PCDHGC4: variants seen among roughly 807,000 people sequenced by gnomAD.
The protein encoded by PCDHGC4 is protocadherin gamma-C4.
Under a neutral mutation model 59.7 loss-of-function variants are expected in PCDHGC4, and 15 were observed. The ratio of observed to expected loss-of-function variants is 0.25; its 90% confidence interval spans 0.17 to 0.39. PCDHGC4 has a LOEUF of 0.39. PCDHGC4 is among the 10% of genes least tolerant of loss of function. The probability of loss-of-function intolerance (pLI) is 1.00; values close to 1 mark genes in which losing one functional copy is unlikely to be tolerated. For missense variants in PCDHGC4, 1,016 were observed against 1,189.5 expected (o/e 0.85, Z 2.15); for synonymous variants, 434 against 481.4 (o/e 0.90, Z 1.29).
chr5:141,494,759 C>A (rs776923097), intron 1 of PCDHGC4, 48 bp from the exon 2 acceptor site: 3 of 1,613,886 alleles, frequency 1.9e-6, no homozygotes, highest in Non-Finnish European at 2.5e-6. Context: ...GGGTGACATT[C>A]TAACTTCTCA....
Position 141,493,788 on chromosome 5 carries a change from C to A in PCDHGC4, c.2443-1019C>A, listed in dbSNP as rs2099750132. On this transcript the variant is annotated intron_variant, in intron 1 of 3. Transcript: ENST00000306593. This position sits in a 1 kb window ranked among gnomAD's most constrained non-coding sequence, Gnocchi z 4.3. ...ACTGGCAGTTCCGGAGCTTCCTTCT[C>A]CCTGGAGTAATCTGAGATACTCACA... 6.6e-6 allele frequency among the ~76,000 whole-genome samples: 1 copy of A among 152,162 alleles called. No homozygotes were observed. The highest frequency in any genetic ancestry group is 1.5e-5 in the Non-Finnish European group (1 of 68,026).
chr5:141,486,161 A>G lies in PCDHGC4; in HGVS notation c.988A>G (p.Met330Val). 1 of 1,614,216 alleles carries G rather than the reference A, an allele frequency of 6.2e-7. No individual in the cohort carries two copies. The highest frequency in any genetic ancestry group is 8.5e-7 in the Non-Finnish European group (1 of 1,180,038). ...VRARDGGSPA[M>V]EQHCSLRVDL... ...GGCTCGCGATGGGGGTTCTCCAGCC[A>G]TGGAGCAACATTGCAGCCTTCGAGT... The change falls in exon 1 of 4, where the codon ATG (methionine) becomes GTG (valine). Residue 330 changes from methionine to valine, a missense_variant. Coordinates refer to ENST00000306593, the MANE Select transcript of PCDHGC4 (RefSeq NM_018928.3). The surrounding 1 kb of genome is among the most constrained non-coding windows in gnomAD (Gnocchi z 5.0).
chr5:141,492,632 C>G (rs1359761285), intron 1 of PCDHGC4, among the ~76,000 whole-genome samples: 1 of 152,256 alleles, frequency 6.6e-6, no homozygotes, highest in Non-Finnish European at 1.5e-5. Flanking sequence ...CAGGACTCTA[C>G]GATCCTTGGG....
chr5:141,494,897 C>T (rs1194879883), intron 2 of PCDHGC4, 32 bp downstream of exon 2: 2 of 1,614,122 alleles, frequency 1.2e-6, no homozygotes, highest in South Asian at 2.2e-5. Flanking sequence ...CCACCCTCTT[C>T]TCTGCGGCAT....
Position 141,491,611 on chromosome 5 carries a change from A to G in PCDHGC4, c.2443-3196A>G. The G allele has an allele frequency of 6.2e-7, 1 of 1,613,866 alleles. No individual in the cohort carries two copies. The highest frequency in any genetic ancestry group is 8.5e-7 in the Non-Finnish European group (1 of 1,180,018). Reference sequence around the variant, plus strand: ...GGACGGCAGTGACTTCACTTTTCTAAGACCCCTCAGCGTTCAGCAGCCCAC... The same window carrying G: ...GGACGGCAGTGACTTCACTTTTCTAGGACCCCTCAGCGTTCAGCAGCCCAC... On this transcript the variant is annotated intron_variant, in intron 1 of 3. Transcript: ENST00000306593. This position sits in a 1 kb window ranked among gnomAD's most constrained non-coding sequence, Gnocchi z 6.9.
At position 141,486,169 on chromosome 5, in the gene PCDHGC4, A is replaced by G. The variant is rs2099625537; in HGVS notation, c.996A>G (p.Gln332=). The G allele has an allele frequency of 1.2e-6, 2 of 1,614,088 alleles. No individual in the cohort carries two copies. Among genetic ancestry groups the G allele is most frequent in the East Asian group, 2.2e-5 (1 of 44,890 alleles). Residue 332 remains glutamine (Q), a synonymous_variant, in exon 1 of 4, where the codon CAA becomes CAG. Transcript: ENST00000306593. The surrounding 1 kb of genome is among the most constrained non-coding windows in gnomAD (Gnocchi z 5.0). ...ARDGGSPAME[Q]HCSLRVDLLD... ...ATGGGGGTTCTCCAGCCATGGAGCA[A>G]CATTGCAGCCTTCGAGTGGATCTGC...
At chr5:141,502,488 T>A (rs1273845698) in intron 2 of PCDHGC4, among the ~76,000 whole-genome samples, 1 of 152,236 alleles carries the variant, frequency 6.6e-6, no homozygotes, top group Non-Finnish European at 1.5e-5. Context: ...ACACTGGGAC[T>A]CATCTAACGT....
At position 141,485,614 on chromosome 5, in the gene PCDHGC4, T is replaced by G; in HGVS notation, c.441T>G (p.Pro147=). 1 of 1,612,236 alleles carries G rather than the reference T, an allele frequency of 6.2e-7. No individual in the cohort carries two copies. Among genetic ancestry groups the G allele is most frequent in the Non-Finnish European group, 8.5e-7 (1 of 1,178,686 alleles). Residue 147 remains proline (P), a synonymous_variant, in exon 1 of 4, where the codon CCT becomes CCG. Transcript: ENST00000306593. The surrounding 1 kb of genome is among the most constrained non-coding windows in gnomAD (Gnocchi z 5.7). ...ACTTGGAAATTGGGGAGGCAGCTCC[T>G]CCAGGACAGCGTTTCCCGTTGGAAA... ...QLDLEIGEAA[P]PGQRFPLEKA...
Position 141,486,445 on chromosome 5 carries a change from G to A in PCDHGC4, c.1272G>A (p.Met424Ile). Residue 424 changes from methionine (M) to isoleucine (I), a missense_variant, in exon 1 of 4, where the codon ATG becomes ATA. By Grantham distance (10) the Met-to-Ile change is conservative. Coordinates refer to ENST00000306593, the MANE Select transcript of PCDHGC4 (RefSeq NM_018928.3). The surrounding 1 kb of genome is among the most constrained non-coding windows in gnomAD (Gnocchi z 5.0). ...AGGCCAAATCTAGCTATGACATCAT[G>A]GTCACTGCTTCTGATGCTGGGAACC... ...DREAKSSYDIMVTASDAGNPP... is the reference protein window; with the variant it reads ...DREAKSSYDIIVTASDAGNPP... 6.2e-7 allele frequency: 1 copy of A among 1,613,948 alleles called. No homozygotes were observed. The highest frequency in any genetic ancestry group is 8.5e-7 in the Non-Finnish European group (1 of 1,179,862).
At chr5:141,500,475 C>T (rs1193752670) in intron 2 of PCDHGC4, among the ~76,000 whole-genome samples, 1 of 152,024 alleles carries the variant, frequency 6.6e-6, no homozygotes, top group African/African-American at 2.4e-5. Flanking sequence ...TCCCAAAGTG[C>T]TGGGATTACA....
At position 141,490,381 on chromosome 5, in the gene PCDHGC4, A is replaced by T. The variant is rs770046796; in HGVS notation, c.2442+2766A>T. 1 of 1,614,240 alleles carries T rather than the reference A, an allele frequency of 6.2e-7. No homozygotes were observed. The highest frequency in any genetic ancestry group is 1.1e-5 in the South Asian group (1 of 91,090). On this transcript the variant is annotated intron_variant, in intron 1 of 3. Coordinates refer to ENST00000306593, the MANE Select transcript of PCDHGC4 (RefSeq NM_018928.3). This position sits in a 1 kb window ranked among gnomAD's most constrained non-coding sequence, Gnocchi z 5.4. ...TAATGTGCGAGACCGGGACTCAGGT[A>T]GAAATGGTGAAGTGAGCCTTGATAT...
Position 141,486,885 on chromosome 5 carries a change from G to A in PCDHGC4, c.1712G>A (p.Arg571Gln), listed in dbSNP as rs139638334. The change falls in exon 1 of 4, where the codon CGG (arginine) becomes CAG (glutamine). Residue 571 changes from arginine to glutamine, a missense_variant. Physicochemically the swap from Arg to Gln is conservative, Grantham distance 43. Transcript: ENST00000306593. The surrounding 1 kb of genome is among the most constrained non-coding windows in gnomAD (Gnocchi z 5.0). ...CCAGCTGTGCTCCGTCCTCGGGCCC[G>A]GCCTGGTTCCTTATGTCCCCAAGCA... is the stretch of plus-strand genomic sequence containing the variant. ...NAPAVLRPRARPGSLCPQALP... is the reference protein window; with the variant it reads ...NAPAVLRPRAQPGSLCPQALP... 16 of 1,614,076 alleles carry A rather than the reference G, an allele frequency of 9.9e-6. No individual in the cohort carries two copies. The highest frequency in any genetic ancestry group is 1.6e-4 in the Middle Eastern group (1 of 6,084).
intron 1 of PCDHGC4, chr5:141,492,018 G>A: frequency 1.7e-6 from 1 of 585,594 alleles, no homozygotes; most frequent in Admixed American, 3.7e-5. Flanking sequence ...GGGTGTCGGG[G>A]GTCCCGGGAG....
intron 2 of PCDHGC4, among the ~76,000 whole-genome samples, chr5:141,501,821 G>A (rs910825533): frequency 1.3e-5 from 2 of 152,028 alleles, no homozygotes; most frequent in Non-Finnish European, 2.9e-5. Context: ...ATAATTGGCA[G>A]CCCACCCACC....
chr5:141,487,340 G>A lies in PCDHGC4; in HGVS notation c.2167G>A (p.Val723Ile), dbSNP rs2099643329. 6.2e-7 allele frequency: 1 copy of A among 1,614,182 alleles called. No individual in the cohort carries two copies. Among genetic ancestry groups the A allele is most frequent in the Admixed American group, 1.7e-5 (1 of 60,024 alleles). ...SKCLRGAACG[V>I]TCFPAGTCAC... The stretch of plus-strand genomic sequence containing the variant: ...GTGTCTTCGTGGGGCAGCCTGTGGA[G>A]TCACATGCTTTCCTGCTGGCACCTG... The change falls in exon 1 of 4, where the codon GTC becomes ATC. Residue 723 changes from valine (V) to isoleucine (I), a missense_variant. By Grantham distance (29) the Val-to-Ile change is conservative. Coordinates refer to ENST00000306593, the MANE Select transcript of PCDHGC4 (RefSeq NM_018928.3). This position sits in a 1 kb window ranked among gnomAD's most constrained non-coding sequence, Gnocchi z 5.0.
chr5:141,488,046 G>A (rs958459817), intron 1 of PCDHGC4, among the ~76,000 whole-genome samples: 1 of 152,182 alleles, frequency 6.6e-6, no homozygotes, highest in African/African-American at 2.4e-5. Flanking sequence ...CCAAGGGATT[G>A]AGGGGAAATA....
chr5:141,508,824 G>A (rs893436748), intron 3 of PCDHGC4, among the ~76,000 whole-genome samples: 9 of 151,952 alleles, frequency 5.9e-5, no homozygotes, highest in Admixed American at 3.3e-4. Flanking sequence ...CCAGATCTGG[G>A]CCCCCCTCCC....
At position 141,485,677 on chromosome 5, in the gene PCDHGC4, C is replaced by T. The variant is rs757797282; in HGVS notation, c.504C>T (p.Ser168=). ...CAGATGTGGGGAGCAATTCGATTAG[C>T]AGCTATAGGCTGAGCTCCAATGAAC... The part of the protein sequence containing the change: ...QDADVGSNSI[S]SYRLSSNEHF... Residue 168 remains serine, a synonymous_variant, in exon 1 of 4, where the codon AGC becomes AGT. Transcript: ENST00000306593. This position sits in a 1 kb window ranked among gnomAD's most constrained non-coding sequence, Gnocchi z 5.7. 2.4e-5 allele frequency: 38 copies of T among 1,612,714 alleles called. No individual in the cohort carries two copies. In the East Asian group the frequency reaches 7.8e-4, roughly 33 times the overall value.
rs2099883697 is a variant in PCDHGC4, at chr5:141,511,284, G to T, written c.*111G>T. On this transcript the variant is annotated 3_prime_UTR_variant, in exon 4 of 4. Coordinates refer to ENST00000306593, the MANE Select transcript of PCDHGC4 (RefSeq NM_018928.3). ...AGGGCTAACCCCCAGAATACTGGTA[G>T]GGGCCAAGGCCATGCTCCCCTTGGG... 6.5e-7 allele frequency: 1 copy of T among 1,528,258 alleles called. No homozygotes were observed. Among genetic ancestry groups the T allele is most frequent in the African/African-American group, 1.4e-5 (1 of 72,674 alleles). 94.7% of individuals were successfully genotyped at this position (1,528,258 alleles called of 1,614,324 possible). A position where few individuals can be genotyped will look rare whatever the true frequency, so the allele number is the denominator to read the frequency against.
Sources: allele counts gnomAD v4.1 joint callset (sites outside exome capture counted in the v4.1 genomes callset), GRCh38; gene constraint gnomAD v4.1.1; non-coding constraint Gnocchi (gnomAD v3.1); transcripts MANE v1.5; gene names NCBI Gene and HGNC (gene_info 2026-07-23, HGNC 2026-07-21).